The following CCSER1 variants were observed in gnomAD, a reference collection of about 807,000 sequenced individuals.
CCSER1 encodes serine-rich coiled-coil domain-containing protein 1.
In CCSER1, 41 loss-of-function variants were observed where a neutral mutation model predicts 82.0. The observed-to-expected ratio is 0.50, with a 90% CI of 0.39 to 0.65. CCSER1 has a LOEUF of 0.65. Among genes scored for constraint, CCSER1 ranks in the 30% least tolerant of loss-of-function variants. The pLI, the probability that CCSER1 is intolerant of heterozygous loss-of-function variation, is 0.00. For synonymous variants in CCSER1, 414 were observed against 383.9 expected (o/e 1.08, Z -0.92); for missense variants, 1,119 against 1,064.2 (o/e 1.05, Z -0.72).
At chr4:90,860,834 A>G in intron 8 of CCSER1, among the ~76,000 whole-genome samples, 1 of 151,640 alleles carries the variant, frequency 6.6e-6, no homozygotes, top group Admixed American at 6.6e-5. Context: ...CAGAAAGTAG[A>G]TTAGTGCTTG....
chr4:90,622,361 C>T (rs548503112), intron 5 of CCSER1, among the ~76,000 whole-genome samples: 1 of 152,234 alleles, frequency 6.6e-6, no homozygotes, highest in East Asian at 1.9e-4. Context: ...TGTTGGTGTG[C>T]TGCACCCATT....
At chr4:91,217,448 C>T (rs554133282) in intron 10 of CCSER1, among the ~76,000 whole-genome samples, 111 of 152,290 alleles carry the variant, frequency 7.3e-4, no homozygotes, top group Non-Finnish European at 1.3e-3. Flanking sequence ...CCCACCAGAG[C>T]AGCTAGATAC....
chr4:91,260,460 G>A (rs1741023290), intron 10 of CCSER1, among the ~76,000 whole-genome samples: 1 of 152,196 alleles, frequency 6.6e-6, no homozygotes, highest in Non-Finnish European at 1.5e-5. Flanking sequence ...TGTAAGGGGA[G>A]AAATGTTAGT....
chr4:90,839,154 T>C (rs1762240565), intron 8 of CCSER1: 9 of 778,516 alleles, frequency 1.2e-5, no homozygotes, highest in Non-Finnish European at 2.0e-5. Context: ...TTCTTCTATA[T>C]TGCTAACTTC....
chr4:91,019,594 A>G (rs968912628), intron 9 of CCSER1, among the ~76,000 whole-genome samples: 3 of 152,136 alleles, frequency 2.0e-5, no homozygotes, highest in Non-Finnish European at 2.9e-5. Context: ...TTAATAATGC[A>G]CACTCCCAGC....
chr4:90,713,823 G>A (rs1036958229), intron 6 of CCSER1, among the ~76,000 whole-genome samples: 3 of 151,748 alleles, frequency 2.0e-5, no homozygotes, highest in African/African-American at 7.3e-5. Flanking sequence ...CATATTTCTT[G>A]GAGGTTTTGT....
intron 10 of CCSER1, among the ~76,000 whole-genome samples, chr4:91,354,837 A>G (rs527931458): frequency 1.3e-5 from 2 of 152,340 alleles, no homozygotes; most frequent in East Asian, 3.9e-4. Context: ...GGCTAATTGC[A>G]AAAACAAATT....
chr4:90,227,886 C>T (rs1376570231), intron 1 of CCSER1, among the ~76,000 whole-genome samples: 1 of 152,200 alleles, frequency 6.6e-6, no homozygotes, highest in African/African-American at 2.4e-5. Context: ...AATCGGGTCA[C>T]TTCCACCCGA....
At chr4:90,672,539 C>T (rs1310800576) in intron 6 of CCSER1, among the ~76,000 whole-genome samples, 1 of 151,940 alleles carries the variant, frequency 6.6e-6, no homozygotes, top group Non-Finnish European at 1.5e-5. Flanking sequence ...TTTTTCTGCA[C>T]CAGCAATAAG....
intron 9 of CCSER1, among the ~76,000 whole-genome samples, chr4:91,075,289 T>C (rs1177803416): frequency 6.6e-6 from 1 of 152,064 alleles, no homozygotes; most frequent in East Asian, 1.9e-4. Flanking sequence ...CTACCTAAAA[T>C]TTATAACATT....
chr4:90,233,852 A>T (rs1745211228), intron 1 of CCSER1, among the ~76,000 whole-genome samples: 1 of 152,132 alleles, frequency 6.6e-6, no homozygotes, highest in African/African-American at 2.4e-5. Flanking sequence ...GAGATCTTGG[A>T]TAATTAGCAC....
At chr4:91,325,218 G>T (rs1265543258) in intron 10 of CCSER1, 1 of 455,714 alleles carries the variant, frequency 2.2e-6, no homozygotes, top group Non-Finnish European at 4.4e-6. Context: ...ATTGTAATTA[G>T]ATATGGCTGT....
intron 3 of CCSER1, among the ~76,000 whole-genome samples, chr4:90,370,611 C>T (rs1269432869): frequency 6.6e-6 from 1 of 151,944 alleles, no homozygotes; most frequent in East Asian, 1.9e-4. Flanking sequence ...AAAATCACAT[C>T]ACAAGGTTTG....
intron 8 of CCSER1, among the ~76,000 whole-genome samples, chr4:90,855,363 C>A (rs1192377098): frequency 6.6e-6 from 1 of 152,062 alleles, no homozygotes; most frequent in Non-Finnish European, 1.5e-5. Context: ...CAATCTATTT[C>A]TTTATTTTTA....
chr4:90,203,981 A>C (rs1738273989), intron 1 of CCSER1, among the ~76,000 whole-genome samples: 1 of 152,134 alleles, frequency 6.6e-6, no homozygotes, highest in Non-Finnish European at 1.5e-5. Flanking sequence ...TTGGCTGTAT[A>C]AATGTCTATT....
In CCSER1 at chr4:91,257,903, T is replaced by A. The variant is rs200862978; in HGVS notation, c.2217+171909T>A. 2.6e-5 allele frequency among the ~76,000 whole-genome samples: 4 copies of A among 152,230 alleles called. No homozygotes were observed. In the East Asian group the frequency reaches 7.7e-4, roughly 29 times the overall value. ...CCTTATTGAGCTATAACTTTACTCA[T>A]AAATATTTGTGGGAAGAAAAGATTT... On this transcript the variant is annotated intron_variant, in intron 10 of 10. Transcript: ENST00000509176.
chr4:91,080,064 G>A (rs940683577), intron 9 of CCSER1, among the ~76,000 whole-genome samples: 2 of 152,152 alleles, frequency 1.3e-5, no homozygotes, highest in Admixed American at 1.3e-4. Flanking sequence ...GCACCAAGCA[G>A]ACCTCATAGA....
chr4:91,257,387 A>G (rs779658104), intron 10 of CCSER1, among the ~76,000 whole-genome samples: 1 of 152,044 alleles, frequency 6.6e-6, no homozygotes, highest in Non-Finnish European at 1.5e-5. Flanking sequence ...TAAACTCAAC[A>G]TGAAAAAATA....
chr4:90,364,916 G>A (rs968916474), intron 3 of CCSER1, among the ~76,000 whole-genome samples: 4 of 151,398 alleles, frequency 2.6e-5, no homozygotes, highest in African/African-American at 9.7e-5. Flanking sequence ...TCCATACAAT[G>A]ACTGAACATT....
Sources: allele counts gnomAD v4.1 joint callset (sites outside exome capture counted in the v4.1 genomes callset), GRCh38; gene constraint gnomAD v4.1.1; transcripts MANE v1.5; gene names NCBI Gene and HGNC (gene_info 2026-07-23, HGNC 2026-07-21).